The following PDE4B variants were observed in gnomAD, a reference collection of about 807,000 sequenced individuals.
PDE4B encodes 3',5'-cyclic-AMP phosphodiesterase 4B.
In PDE4B, 20 loss-of-function variants were observed where a neutral mutation model predicts 82.2. The observed-to-expected ratio is 0.24, with a 90% CI of 0.17 to 0.35. The LOEUF is 0.35. Among genes scored for constraint, PDE4B ranks in the 10% least tolerant of loss-of-function variants. The pLI is 1.00. For synonymous variants in PDE4B, 320 were observed against 318.9 expected, an observed-to-expected ratio of 1.00 and a Z score of -0.04; for missense variants, 655 against 907.2, an observed-to-expected ratio of 0.72 and a Z score of 3.57.
chr1:66,223,688 C>G (rs1651191347), intron 3 of PDE4B, among the ~76,000 whole-genome samples: 1 of 152,038 alleles, frequency 6.6e-6, no homozygotes, highest in Non-Finnish European at 1.5e-5. Flanking sequence ...TCATTCCCCC[C>G]CAGCCCCACA....
chr1:66,259,853 T>A (rs969565629), intron 6 of PDE4B, among the ~76,000 whole-genome samples: 2 of 152,232 alleles, frequency 1.3e-5, no homozygotes, highest in African/African-American at 4.8e-5. Flanking sequence ...TCTATGTTTT[T>A]TTCTTTGTAG....
intron 3 of PDE4B, among the ~76,000 whole-genome samples, chr1:65,949,398 C>T (rs1648879848): frequency 6.6e-6 from 1 of 152,110 alleles, no homozygotes; most frequent in African/African-American, 2.4e-5. Context: ...CTTTCCTTTT[C>T]TCAGGCTTTC....
chr1:66,107,953 A>T (rs1412352494), intron 3 of PDE4B, among the ~76,000 whole-genome samples: 11 of 152,018 alleles, frequency 7.2e-5, no homozygotes, highest in Non-Finnish European at 1.6e-4. Context: ...TTAAAAAAAG[A>T]TACACATTTA....
intron 3 of PDE4B, among the ~76,000 whole-genome samples, chr1:65,995,923 A>G (rs1196862505): frequency 6.6e-6 from 1 of 152,218 alleles, no homozygotes; most frequent in Non-Finnish European, 1.5e-5. Context: ...CAAACCCACT[A>G]AACAGTTTTT....
At chr1:65,875,812 G>T (rs1163317940) in intron 1 of PDE4B, among the ~76,000 whole-genome samples, 2 of 106,412 alleles carry the variant, frequency 1.9e-5, no homozygotes, top group South Asian at 4.0e-4. Flanking sequence ...GGGGTGGGGG[G>T]AGGGGGGAGG....
chr1:66,362,998 G>T lies in PDE4B; in HGVS notation c.1021-170G>T, dbSNP rs2298054. Among the ~76,000 whole-genome samples the T allele has an allele frequency of 8.8e-4, 134 of 152,152 alleles. 2 individuals carry two copies. The East Asian group carries it at 0.023, about 26-fold the overall frequency. On this transcript the variant is annotated intron_variant, in intron 10 of 16. Coordinates refer to ENST00000341517, the MANE Select transcript of PDE4B (RefSeq NM_002600.4). ...AGAAACTTGTAGCTATCATGAAGAGGACACCCGACCTCCTAGGTCATTTAA... is the reference window on the plus strand; with the variant it reads ...AGAAACTTGTAGCTATCATGAAGAGTACACCCGACCTCCTAGGTCATTTAA...
At chr1:65,812,675 T>A (rs1186207670) in intron 1 of PDE4B, among the ~76,000 whole-genome samples, 7 of 152,186 alleles carry the variant, frequency 4.6e-5, no homozygotes, top group Admixed American at 4.6e-4. Context: ...TAGATAATGC[T>A]GTTTGTGGTT....
In PDE4B at chr1:66,354,578, C is replaced by G. The variant is rs879634267; in HGVS notation, c.748-949C>G. 1.2e-5 allele frequency: 16 copies of G among 1,288,640 alleles called. No individual in the cohort carries two copies. In the Admixed American group the frequency reaches 1.8e-4, roughly 15 times the overall value. 79.8% of individuals were successfully genotyped at this position (1,288,640 alleles called of 1,614,324 possible). A position where few individuals can be genotyped will look rare whatever the true frequency, so the allele number is the denominator to read the frequency against. On this transcript the variant is annotated intron_variant, in intron 8 of 16. Transcript: ENST00000341517. ...CCAGCTGAATACATTTGGACAGGCT[C>G]TTGCTCCTTCGTGCAATTCCTGATT...
chr1:66,183,461 T>G (rs1045576122), intron 3 of PDE4B, among the ~76,000 whole-genome samples: 5 of 152,174 alleles, frequency 3.3e-5, no homozygotes, highest in Non-Finnish European at 7.4e-5. Flanking sequence ...ATGTTCTCCT[T>G]TTCCCCTCCC....
chr1:65,873,754 A>G, intron 1 of PDE4B, among the ~76,000 whole-genome samples: 1 of 152,202 alleles, frequency 6.6e-6, no homozygotes, highest in East Asian at 1.9e-4. Context: ...GTGGAATTCT[A>G]CATATATGTG....
chr1:65,918,756 G>C lies in PDE4B; in HGVS notation c.202G>C (p.Gly68Arg). Residue 68 changes from glycine to arginine, a missense_variant, in exon 3 of 17, where the codon GGA becomes CGA. Transcript: ENST00000341517. ...GAGTGAAAGGGCAAGGACTCCTGAG[G>C]GAGATGGTATTTCCAGGCCGACCAC... ...RQSERARTPE[G>R]DGISRPTTLP... is the part of the protein sequence containing the mutation. 1 of 1,614,052 alleles carries C rather than the reference G, an allele frequency of 6.2e-7. No individual in the cohort carries two copies. Among genetic ancestry groups the C allele is most frequent in the Non-Finnish European group, 8.5e-7 (1 of 1,179,912 alleles).
At chr1:65,927,667 C>T (rs181993355) in intron 3 of PDE4B, among the ~76,000 whole-genome samples, 109 of 152,092 alleles carry the variant, frequency 7.2e-4, no homozygotes, top group African/African-American at 2.5e-3. Flanking sequence ...GGAATAACCA[C>T]TCGTGCTTCT....
At chr1:65,818,948 A>G (rs1570970220) in intron 1 of PDE4B, among the ~76,000 whole-genome samples, 1 of 152,184 alleles carries the variant, frequency 6.6e-6, no homozygotes, top group African/African-American at 2.4e-5. Flanking sequence ...GTGGCTTCTT[A>G]AAAACCCCAA....
At chr1:66,236,296 C>G (rs1196390354) in intron 3 of PDE4B, among the ~76,000 whole-genome samples, 1 of 151,876 alleles carries the variant, frequency 6.6e-6, no homozygotes, top group Admixed American at 6.6e-5. Context: ...TTCAGAATAC[C>G]CTTCTATTTC....
chr1:66,211,286 T>A (rs949001255), intron 3 of PDE4B, among the ~76,000 whole-genome samples: 4 of 152,234 alleles, frequency 2.6e-5, no homozygotes, highest in Non-Finnish European at 4.4e-5. Flanking sequence ...AATCATATTA[T>A]ACGTTCCAAG....
At chr1:65,970,989 GCTAAAGAGCTT>G (rs1650100707) in intron 3 of PDE4B, among the ~76,000 whole-genome samples, 2 of 150,616 alleles carry the variant, frequency 1.3e-5, no homozygotes, top group Non-Finnish European at 1.5e-5. Context: ...GAGAGGAGAG[GCTAAAGAGCTT>G]CTGGAGAGGC....
At chr1:66,346,581 T>C (rs561715784) in intron 8 of PDE4B, among the ~76,000 whole-genome samples, 1 of 152,270 alleles carries the variant, frequency 6.6e-6, no homozygotes, top group African/African-American at 2.4e-5. Context: ...AACCAGAGAG[T>C]CTGAACTTCT....
rs553660025 is a variant in PDE4B at position 66,355,054 on chromosome 1, T to C, written c.748-473T>C. 367 of 607,906 alleles carry C rather than the reference T, an allele frequency of 6.0e-4. 6 individuals carry two copies. The South Asian group carries it at 7.7e-3, about 13-fold the overall frequency. The allele number at this position is 607,906 out of a possible 1,614,324, so 37.7% of individuals were successfully genotyped here. A position where few individuals can be genotyped will look rare whatever the true frequency, so the allele number is the denominator to read the frequency against. On this transcript the variant is annotated intron_variant, in intron 8 of 16. Transcript: ENST00000341517. ...GAAATAAGAGCATGTTATATTACAT[T>C]TTATTTAAGTGTACTATGCTGTGTT...
chr1:65,832,864 A>G (rs1465939889), intron 1 of PDE4B, among the ~76,000 whole-genome samples: 2 of 152,226 alleles, frequency 1.3e-5, no homozygotes, highest in South Asian at 2.1e-4. Context: ...TTAGGTGGGT[A>G]TAAATAGTAT....
Sources: gnomAD v4.1 joint callset for allele counts (sites outside exome capture counted in the v4.1 genomes callset) on GRCh38, gnomAD v4.1.1 for gene constraint, MANE v1.5 for transcripts, NCBI Gene and HGNC (gene_info 2026-07-23, HGNC 2026-07-21) for gene names.